Variants in NKAIN2 observed in about 807,000 individuals in gnomAD.
NKAIN2 encodes the protein sodium/potassium transporting ATPase interacting 2.
A neutral mutation model predicts 32.6 loss-of-function variants in NKAIN2; 14 were observed. That is an observed-to-expected ratio of 0.43 (90% CI 0.28 to 0.67). NKAIN2 has a LOEUF of 0.67. Among genes scored for constraint, NKAIN2 ranks in the 30% least tolerant of loss-of-function variants. The pLI is 0.17. For missense variants in NKAIN2, 198 were observed against 258.3 expected (o/e 0.77, Z 1.60); for synonymous variants, 80 against 87.2 (o/e 0.92, Z 0.46).
At chr6:124,357,371 A>G (rs952032189) in intron 3 of NKAIN2, among the ~76,000 whole-genome samples, 3 of 152,206 alleles carry the variant, frequency 2.0e-5, no homozygotes, top group Non-Finnish European at 4.4e-5. Context: ...AGTCGTTGCA[A>G]CTGCCTCACA....
At chr6:124,278,545 C>T (rs1006295288) in intron 1 of NKAIN2, among the ~76,000 whole-genome samples, 5 of 149,734 alleles carry the variant, frequency 3.3e-5, no homozygotes, top group African/African-American at 4.9e-5. Context: ...TATGGTGCAA[C>T]GAAAAGGGTA....
At chr6:124,570,097 T>C (rs1297330683) in intron 3 of NKAIN2, among the ~76,000 whole-genome samples, 1 of 152,102 alleles carries the variant, frequency 6.6e-6, no homozygotes, top group Non-Finnish European at 1.5e-5. Context: ...GCCCTAGAGA[T>C]TTGTGGAACT....
At chr6:124,634,398 G>C (rs936032438) in intron 3 of NKAIN2, among the ~76,000 whole-genome samples, 1 of 151,992 alleles carries the variant, frequency 6.6e-6, no homozygotes, top group Admixed American at 6.6e-5. Context: ...AACAGAAATA[G>C]ATCTAATAAT....
intron 3 of NKAIN2, among the ~76,000 whole-genome samples, chr6:124,467,858 C>G (rs894516682): frequency 6.6e-6 from 1 of 151,892 alleles, no homozygotes; most frequent in African/African-American, 2.4e-5. Flanking sequence ...CAGGCTGAGC[C>G]AACTGAAAAA....
chr6:124,325,498 T>C (rs568262891), intron 2 of NKAIN2, among the ~76,000 whole-genome samples: 2 of 152,180 alleles, frequency 1.3e-5, no homozygotes, highest in Admixed American at 1.3e-4. Context: ...GGAAAAAAAT[T>C]GTAATACCCA....
chr6:124,144,227 A>G (rs1424051638), intron 1 of NKAIN2, among the ~76,000 whole-genome samples: 2 of 152,210 alleles, frequency 1.3e-5, no homozygotes, highest in African/African-American at 4.8e-5. Flanking sequence ...AGAAATTCCT[A>G]AAGAAGAAGG....
intron 1 of NKAIN2, among the ~76,000 whole-genome samples, chr6:123,998,572 T>A (rs1779733752): frequency 6.6e-6 from 1 of 152,062 alleles, no homozygotes; most frequent in Non-Finnish European, 1.5e-5. Flanking sequence ...TTCGTAAGAT[T>A]AGTATCCAAC....
rs189094160 is a variant in NKAIN2 at position 124,306,753 on chromosome 6, T to A, written c.192+23611T>A. On this transcript the variant is annotated intron_variant, in intron 2 of 6. Transcript: ENST00000368417. Reference sequence around the variant, plus strand: ...TGCAGTGTTGCCCTGCTAATTGCTGTTTGAGTTTGTGGATCAGAAGACAAG... The same window carrying A: ...TGCAGTGTTGCCCTGCTAATTGCTGATTGAGTTTGTGGATCAGAAGACAAG... 3.3e-5 allele frequency among the ~76,000 whole-genome samples: 5 copies of A among 152,248 alleles called. No homozygotes were observed. The East Asian group carries it at 9.7e-4, about 29-fold the overall frequency.
chr6:124,482,898 G>A (rs1242609503), intron 3 of NKAIN2, among the ~76,000 whole-genome samples: 8 of 152,220 alleles, frequency 5.3e-5, no homozygotes, highest in Non-Finnish European at 1.2e-4. Context: ...ACTTCGGGAG[G>A]CCGAGGCGGG....
intron 3 of NKAIN2, among the ~76,000 whole-genome samples, chr6:124,596,442 G>A (rs1015773470): frequency 6.6e-6 from 1 of 152,182 alleles, no homozygotes; most frequent in Non-Finnish European, 1.5e-5. Flanking sequence ...GGGACCGCCT[G>A]TGCTTAGGAA....
At chr6:124,601,406 T>G (rs1202846345) in intron 3 of NKAIN2, among the ~76,000 whole-genome samples, 5 of 152,096 alleles carry the variant, frequency 3.3e-5, no homozygotes, top group African/African-American at 1.2e-4. Flanking sequence ...AGTCAGCTCC[T>G]TTTTTCAAAT....
intron 4 of NKAIN2, among the ~76,000 whole-genome samples, chr6:124,778,083 T>C (rs1018933785): frequency 2.0e-5 from 3 of 152,074 alleles, no homozygotes; most frequent in East Asian, 1.9e-4. Flanking sequence ...AAACTTCGCT[T>C]TTCTGGGAGA....
chr6:124,563,024 C>A (rs1780756137), intron 3 of NKAIN2, among the ~76,000 whole-genome samples: 1 of 151,722 alleles, frequency 6.6e-6, no homozygotes, highest in South Asian at 2.1e-4. Flanking sequence ...CCTGCCTCAG[C>A]CTCCCGAGTA....
At position 124,345,011 on chromosome 6, in the gene NKAIN2, A is replaced by G. The variant is rs1798333447; in HGVS notation, c.193-10256A>G. ...TATTATTTTGAGATACGTCCCATCAATACCTAATTTATTGAGAGTTTTTAG... is the reference window on the plus strand; with the variant it reads ...TATTATTTTGAGATACGTCCCATCAGTACCTAATTTATTGAGAGTTTTTAG... On this transcript the variant is annotated intron_variant, in intron 2 of 6. Transcript: ENST00000368417. Among the ~76,000 whole-genome samples, 3 of 152,290 alleles carry G rather than the reference A, an allele frequency of 2.0e-5. No homozygotes were observed. The South Asian group carries it at 6.2e-4, about 32-fold the overall frequency.
intron 1 of NKAIN2, among the ~76,000 whole-genome samples, chr6:124,266,729 G>A (rs1228375562): frequency 6.6e-6 from 1 of 152,192 alleles, no homozygotes; most frequent in Non-Finnish European, 1.5e-5. Flanking sequence ...TTAGCATAGT[G>A]AGGTAACATA....
intron 3 of NKAIN2, among the ~76,000 whole-genome samples, chr6:124,368,162 T>C (rs1799604379): frequency 6.6e-6 from 1 of 152,156 alleles, no homozygotes; most frequent in Non-Finnish European, 1.5e-5. Context: ...ATTTTCATTA[T>C]AATTGAATTT....
chr6:124,162,029 C>T (rs899768618), intron 1 of NKAIN2, among the ~76,000 whole-genome samples: 7 of 152,022 alleles, frequency 4.6e-5, no homozygotes, highest in African/African-American at 1.4e-4. Flanking sequence ...TAAGTTTGTT[C>T]GAATAGCTTT....
intron 4 of NKAIN2, among the ~76,000 whole-genome samples, chr6:124,741,736 T>C (rs568974884): frequency 6.6e-6 from 1 of 151,910 alleles, no homozygotes; most frequent in Non-Finnish European, 1.5e-5. Flanking sequence ...ATAATTGACT[T>C]CAGTAATCCA....
chr6:124,265,826 A>G (rs1241165146), intron 1 of NKAIN2, among the ~76,000 whole-genome samples: 1 of 152,232 alleles, frequency 6.6e-6, no homozygotes, highest in African/African-American at 2.4e-5. Context: ...ATGTCACACC[A>G]GCAAAACCCA....
Sources: gnomAD v4.1 joint callset for allele counts (sites outside exome capture counted in the v4.1 genomes callset) on GRCh38, gnomAD v4.1.1 for gene constraint, MANE v1.5 for transcripts, NCBI Gene and HGNC (gene_info 2026-07-23, HGNC 2026-07-21) for gene names.